The following PLEK2 variants were observed in gnomAD, a reference collection of about 807,000 sequenced individuals.
The protein encoded by PLEK2 is pleckstrin 2, also known as pleckstrin-2.
PLEK2 carries 29 observed loss-of-function variants against 43.8 expected under a neutral mutation model. The ratio of observed to expected loss-of-function variants is 0.66; its 90% CI spans 0.49 to 0.90. PLEK2 has a LOEUF of 0.90. PLEK2 is among the 40% of genes least tolerant of loss of function. The probability of loss-of-function intolerance (pLI) is 0.00; values close to 1 mark genes in which losing one functional copy is unlikely to be tolerated. For synonymous variants in PLEK2, 162 were observed against 173.2 expected (o/e 0.94, Z 0.51); for missense variants, 398 against 448.1 (o/e 0.89, Z 1.01).
intron 6 of PLEK2, among the ~76,000 whole-genome samples, chr14:67,391,375 C>A (rs2085966936): frequency 6.6e-6 from 1 of 151,490 alleles, no homozygotes. Context: ...TAGTCAGGAA[C>A]ACCCTCAGAG....
chr14:67,393,100 C>T, intron 4 of PLEK2, 50 bp downstream of exon 4: 1 of 1,352,754 alleles, frequency 7.4e-7, no homozygotes, highest in Non-Finnish European at 1.1e-6. Flanking sequence ...AGCCCTGCAT[C>T]ACCATGTCCC....
At chr14:67,409,051 T>TAA (rs578237034) in intron 1 of PLEK2, among the ~76,000 whole-genome samples, 19 of 108,560 alleles carry the variant, frequency 1.8e-4, no homozygotes, top group African/African-American at 5.9e-4. Context: ...ATTGTCGCTA[T>TAA]AAAAAAAAAA....
At position 67,401,035 on chromosome 14, in the gene PLEK2, G is replaced by A. The variant is rs1412797255; in HGVS notation, c.43-3209C>T. Among the ~76,000 whole-genome samples, 4 of 152,144 alleles carry A rather than the reference G, an allele frequency of 2.6e-5. No homozygotes were observed. The East Asian group carries it at 5.8e-4, about 22-fold the overall frequency. ...ATAATAATAGTATGGGATGCACTGT[G>A]TGTCTGTGTGCCTCCAAAATTCGTA... On this transcript the variant is annotated intron_variant, in intron 1 of 8. Coordinates refer to ENST00000216446, the MANE Select transcript of PLEK2 (RefSeq NM_016445.3).
intron 2 of PLEK2, among the ~76,000 whole-genome samples, chr14:67,397,311 A>G (rs907558081): frequency 7.9e-5 from 12 of 152,210 alleles, no homozygotes; most frequent in South Asian, 4.1e-4. Context: ...GATGAAAGCC[A>G]TCATAGTGAA....
In PLEK2 at chr14:67,397,721, G is replaced by A. The variant is rs745455800; in HGVS notation, c.148C>T (p.Arg50Trp). Reference protein sequence around the residue: ...GGRRVTPPKGRILLDGCTITC... With the variant: ...GGRRVTPPKGWILLDGCTITC... The stretch of plus-strand genomic sequence containing the variant: ...ATGGTGCAGCCATCCAGGAGGATCC[G>A]GCCCTTGGGAGGGGTCACTCTCCGA... Residue 50 changes from arginine (R) to tryptophan (W), a missense_variant, in exon 2 of 9, where the codon CGG (arginine) becomes TGG (tryptophan). By Grantham distance (101) the Arg-to-Trp change is moderately radical. Transcript: ENST00000216446. 1.5e-5 allele frequency: 24 copies of A among 1,613,410 alleles called. 1 individual carries two copies. The South Asian group carries it at 1.9e-4, about 13-fold the overall frequency.
At chr14:67,397,857 G>A in intron 1 of PLEK2, 31 bp from the exon 2 acceptor site, 1 of 1,576,066 alleles carries the variant, frequency 6.3e-7, no homozygotes, top group South Asian at 1.2e-5. Context: ...CCTGAGGTGA[G>A]GCGGTCAGTG....
At chr14:67,390,817 T>C (rs1177335908) in intron 6 of PLEK2, 71 bp from the exon 7 acceptor site, 1 of 1,084,516 alleles carries the variant, frequency 9.2e-7, no homozygotes, top group Non-Finnish European at 1.4e-6. Context: ...TCTATGCATG[T>C]AATGCCAAAC....
At chr14:67,405,011 G>A (rs1051951818) in intron 1 of PLEK2, among the ~76,000 whole-genome samples, 2 of 151,732 alleles carry the variant, frequency 1.3e-5, no homozygotes, top group Non-Finnish European at 2.9e-5. Flanking sequence ...AAGTAGGCGG[G>A]TCACCTGAGG....
intron 1 of PLEK2, among the ~76,000 whole-genome samples, chr14:67,399,281 C>G (rs1405977438): frequency 6.9e-6 from 1 of 144,524 alleles, no homozygotes; most frequent in African/African-American, 2.7e-5. Flanking sequence ...TTAGGTGGTT[C>G]TCAGGTGGCA....
At position 67,395,402 on chromosome 14, in the gene PLEK2, T is replaced by G; in HGVS notation, c.389A>C (p.His130Pro). The G allele has an allele frequency of 6.2e-7, 1 of 1,613,536 alleles. No individual in the cohort carries two copies. The highest frequency in any genetic ancestry group is 8.5e-7 in the Non-Finnish European group (1 of 1,179,662). Residue 130 changes from histidine to proline, a missense_variant and splice_region_variant, in exon 3 of 9, where the codon CAT (histidine) becomes CCT (proline). Physicochemically the swap from His to Pro is moderately conservative, Grantham distance 77. Transcript: ENST00000216446. Reference protein sequence around the residue: ...SFKLPPHISLHRIVDKMHDSN... With the variant: ...SFKLPPHISLPRIVDKMHDSN... ...AGAGCCCGGCAAGTGGGGCACTCAC[T>G]GCAGGCTGATGTGCGGGGGCAGCTT...
intron 7 of PLEK2, among the ~76,000 whole-genome samples, chr14:67,388,537 C>T (rs1297137871): frequency 3.3e-5 from 5 of 152,218 alleles, no homozygotes; most frequent in Admixed American, 2.0e-4. Context: ...TACCAAGTCT[C>T]ACAGACTTGC....
At chr14:67,404,488 G>A (rs945483878) in intron 1 of PLEK2, among the ~76,000 whole-genome samples, 8 of 151,988 alleles carry the variant, frequency 5.3e-5, no homozygotes, top group African/African-American at 1.9e-4. Flanking sequence ...ACCTCTAGTA[G>A]TAGTATTTTA....
chr14:67,396,541 C>G lies in PLEK2; in HGVS notation c.208-958G>C, dbSNP rs188963002. Among the ~76,000 whole-genome samples, 101 of 106,126 alleles carry G rather than the reference C, an allele frequency of 9.5e-4. 1 individual carries two copies. The highest frequency in any genetic ancestry group is 6.0e-3 in the African/African-American group (95 of 15,788). 69.6% of individuals were successfully genotyped at this position (106,126 alleles called of 152,430 possible). ...GGCCCAAACCAAACTCCTATCACTC[C>G]TTTGGTGAACATTCCCCTTTGACCA... On this transcript the variant is annotated intron_variant, in intron 2 of 8. Coordinates refer to ENST00000216446, the MANE Select transcript of PLEK2 (RefSeq NM_016445.3).
At position 67,403,771 on chromosome 14, in the gene PLEK2, G is replaced by A. The variant is rs183156565; in HGVS notation, c.43-5945C>T. Reference sequence around the variant, plus strand: ...TTAAGTAAATAATCTAGAATATGAGGCTGGGTGCAGTGGCTCACGCCTATA... The same window carrying A: ...TTAAGTAAATAATCTAGAATATGAGACTGGGTGCAGTGGCTCACGCCTATA... On this transcript the variant is annotated intron_variant, in intron 1 of 8. Coordinates refer to ENST00000216446, the MANE Select transcript of PLEK2 (RefSeq NM_016445.3). Among the ~76,000 whole-genome samples, 942 of 152,314 alleles carry A rather than the reference G, an allele frequency of 6.2e-3. 9 individuals carry two copies. The highest frequency in any genetic ancestry group is 0.021 in the African/African-American group (884 of 41,564).
chr14:67,410,698 A>AC (rs1056602318), intron 1 of PLEK2, among the ~76,000 whole-genome samples: 7 of 152,096 alleles, frequency 4.6e-5, no homozygotes, highest in Non-Finnish European at 5.9e-5. Context: ...TGATCCAGCC[A>AC]CCCCGGGAGG....
At chr14:67,394,093 G>C (rs1198908571) in intron 3 of PLEK2, among the ~76,000 whole-genome samples, 1 of 152,162 alleles carries the variant, frequency 6.6e-6, no homozygotes, top group Non-Finnish European at 1.5e-5. Context: ...CCACAGAACA[G>C]GGTGTTCAGT....
intron 1 of PLEK2, among the ~76,000 whole-genome samples, chr14:67,407,905 C>A (rs1355960615): frequency 6.6e-6 from 1 of 152,104 alleles, no homozygotes; most frequent in East Asian, 1.9e-4. Flanking sequence ...CTCAAGAGCT[C>A]AACATTGCAA....
intron 3 of PLEK2, 69 bp downstream of exon 3, chr14:67,395,333 G>C: frequency 7.0e-7 from 1 of 1,434,230 alleles, no homozygotes; most frequent in Admixed American, 1.8e-5. Context: ...CCCCCAAGGG[G>C]CAGGGTCCCC....
intron 1 of PLEK2, among the ~76,000 whole-genome samples, chr14:67,410,560 G>A (rs1272707488): frequency 6.6e-6 from 1 of 152,156 alleles, no homozygotes; most frequent in Non-Finnish European, 1.5e-5. Context: ...CCTTGATCTG[G>A]CATCAGCTTC....
Sources: gnomAD v4.1 joint callset for allele counts (sites outside exome capture counted in the v4.1 genomes callset) on GRCh38, gnomAD v4.1.1 for gene constraint, MANE v1.5 for transcripts, NCBI Gene and HGNC (gene_info 2026-07-23, HGNC 2026-07-21) for gene names.